The following AP4S1 variants were observed in gnomAD, a reference collection of about 807,000 sequenced individuals.
AP4S1 encodes AP-4 complex subunit sigma-1.
In AP4S1, 23 loss-of-function variants were observed where a neutral mutation model predicts 19.8. The observed-to-expected ratio is 1.16, with a 90% CI of 0.84 to 1.65. AP4S1 has a LOEUF of 1.65. AP4S1 is among the 40% of genes most tolerant of loss of function. AP4S1 has a pLI of 0.00. For missense variants in AP4S1, 166 were observed against 172.8 expected (o/e 0.96, Z 0.22); for synonymous variants, 46 against 54.1 (o/e 0.85, Z 0.66).
At chr14:31,057,616 T>C (rs951585377) in intron 1 of AP4S1, among the ~76,000 whole-genome samples, 7 of 152,106 alleles carry the variant, frequency 4.6e-5, no homozygotes, top group Admixed American at 2.0e-4. Flanking sequence ...TGGTTTATTT[T>C]ATTTTTATTT....
intron 1 of AP4S1, among the ~76,000 whole-genome samples, chr14:31,054,080 T>C (rs1489949796): frequency 2.6e-5 from 4 of 152,212 alleles, no homozygotes; most frequent in Non-Finnish European, 1.5e-5. Context: ...CTTTCATTCA[T>C]TCTTTCATTT....
In AP4S1 at chr14:31,069,942, A is replaced by G. The variant is rs1886913786; in HGVS notation, c.225+13A>G. 14 of 1,590,270 alleles carry G rather than the reference A, an allele frequency of 8.8e-6. No individual in the cohort carries two copies. The East Asian group carries it at 3.1e-4, about 36-fold the overall frequency. ...TAATGACACTGAGGTAAGATAATAG[A>G]AGAGCCCTTGGAAAATGCAAGAATT... On this transcript the variant is annotated intron_variant, in intron 3 of 5. Transcript: ENST00000542754.
At chr14:31,059,934 T>C (rs866675866) in intron 1 of AP4S1, among the ~76,000 whole-genome samples, 1 of 147,484 alleles carries the variant, frequency 6.8e-6, no homozygotes, top group African/African-American at 2.5e-5. Context: ...CAAAAAAATA[T>C]ATATATATAT....
Position 31,054,369 on chromosome 14 carries a change from T to C in AP4S1, c.-71-11757T>C, listed in dbSNP as rs1481730670. On this transcript the variant is annotated intron_variant, in intron 1 of 5. Coordinates refer to ENST00000542754, the MANE Select transcript of AP4S1 (RefSeq NM_001128126.3). ...GGGCAACATAGCAAGACCCCGTGTC[T>C]ACAAAAAATTTTTTTTTAATTAGCA... Among the ~76,000 whole-genome samples the C allele has an allele frequency of 2.0e-5, 3 of 152,172 alleles. No individual in the cohort carries two copies. In the East Asian group the frequency reaches 5.8e-4, roughly 29 times the overall value.
At chr14:31,084,610 T>TA (rs1455306264) in intron 5 of AP4S1, among the ~76,000 whole-genome samples, 2 of 152,200 alleles carry the variant, frequency 1.3e-5, no homozygotes, top group Non-Finnish European at 2.9e-5. Context: ...GTGCTATGAA[T>TA]ACACTCCTGT....
chr14:31,072,463 T>C (rs1215162271), intron 3 of AP4S1, among the ~76,000 whole-genome samples: 1 of 152,114 alleles, frequency 6.6e-6, no homozygotes, highest in Non-Finnish European at 1.5e-5. Flanking sequence ...CTGGAACTCC[T>C]GGGGTCAAGC....
intron 2 of AP4S1, among the ~76,000 whole-genome samples, chr14:31,069,268 A>G (rs892906444): frequency 2.0e-5 from 3 of 152,202 alleles, no homozygotes; most frequent in African/African-American, 7.2e-5. Context: ...ATATGAAGCA[A>G]TGTTTACAAT....
At chr14:31,068,060 G>A (rs994894757) in intron 2 of AP4S1, among the ~76,000 whole-genome samples, 2 of 151,648 alleles carry the variant, frequency 1.3e-5, no homozygotes, top group African/African-American at 4.9e-5. Context: ...TAGAGACAGG[G>A]TTTCCCCATG....
At chr14:31,058,527 ATGTGTGTGTGTGTGTGTG>A (rs140119208) in intron 1 of AP4S1, among the ~76,000 whole-genome samples, 25 of 136,670 alleles carry the variant, frequency 1.8e-4, no homozygotes, top group South Asian at 1.4e-3. Flanking sequence ...CTGTGTGTGT[ATGTGTGTGTGTGTGTGTG>A]TGTGTGTGTG....
At position 31,076,665 on chromosome 14, in the gene AP4S1, A is replaced by G. The variant is rs115088357; in HGVS notation, c.294+3692A>G. Among the ~76,000 whole-genome samples, 712 of 152,272 alleles carry G rather than the reference A, an allele frequency of 4.7e-3. 6 individuals carry two copies. The highest frequency in any genetic ancestry group is 0.016 in the African/African-American group (672 of 41,550). On this transcript the variant is annotated intron_variant, in intron 4 of 5. Transcript: ENST00000542754. ...TTCAAAAGACTGTTCTTTTCCCCCAATGAATTGTCTTGGCCCCCTTATCAG... is the reference window on the plus strand; with the variant it reads ...TTCAAAAGACTGTTCTTTTCCCCCAGTGAATTGTCTTGGCCCCCTTATCAG...
At chr14:31,092,265 C>T (rs1476012885) in intron 5 of AP4S1, among the ~76,000 whole-genome samples, 2 of 152,124 alleles carry the variant, frequency 1.3e-5, no homozygotes, top group East Asian at 3.8e-4. Context: ...GAGAAGAAAA[C>T]TGAAGGTACA....
intron 1 of AP4S1, among the ~76,000 whole-genome samples, chr14:31,065,266 G>A (rs1399267594): frequency 3.3e-5 from 5 of 152,122 alleles, no homozygotes; most frequent in African/African-American, 4.8e-5. Context: ...TTTCATACCT[G>A]TTTTCTCTGC....
intron 4 of AP4S1, among the ~76,000 whole-genome samples, chr14:31,077,939 T>C (rs140318741): frequency 1.3e-5 from 2 of 152,260 alleles, no homozygotes; most frequent in East Asian, 3.9e-4. Context: ...TTTCACCATA[T>C]TGGCCAGGAT....
intron 1 of AP4S1, among the ~76,000 whole-genome samples, chr14:31,057,853 C>G (rs1886207715): frequency 6.6e-6 from 1 of 151,532 alleles, no homozygotes; most frequent in Non-Finnish European, 1.5e-5. Flanking sequence ...GTCTCGAATT[C>G]CTGACCTCAA....
At chr14:31,080,379 C>T (rs765845157) in intron 4 of AP4S1, among the ~76,000 whole-genome samples, 194 bp from the exon 5 acceptor site, 1 of 152,176 alleles carries the variant, frequency 6.6e-6, no homozygotes, top group South Asian at 2.1e-4. Flanking sequence ...CTTTGAACTA[C>T]AGCCTATATT....
intron 1 of AP4S1, chr14:31,026,900 C>G (rs1884022260): frequency 6.6e-6 from 1 of 152,278 alleles, no homozygotes; most frequent in Non-Finnish European, 1.5e-5. Flanking sequence ...GGTGGGCCCT[C>G]TTTCCCTTCC....
chr14:31,025,977 T>G, intron 1 of AP4S1, 190 bp downstream of exon 1: 2 of 1,579,598 alleles, frequency 1.3e-6, no homozygotes, highest in Non-Finnish European at 1.7e-6. Context: ...CTGGATGTAG[T>G]GCAGTATCCC....
intron 1 of AP4S1, among the ~76,000 whole-genome samples, chr14:31,037,143 A>G (rs12895788): frequency 0.26 from 39,636 of 151,730 alleles, 5,368 homozygotes; most frequent in South Asian, 0.33. Context: ...CACTTCTGCC[A>G]GGACATGCCT....
intron 5 of AP4S1, among the ~76,000 whole-genome samples, chr14:31,089,419 A>C (rs771081353): frequency 6.6e-5 from 10 of 152,216 alleles, no homozygotes; most frequent in Non-Finnish European, 1.3e-4. Context: ...AAAAGAAATA[A>C]AATGAGAAAC....
Sources: allele counts gnomAD v4.1 joint callset (sites outside exome capture counted in the v4.1 genomes callset), GRCh38; gene constraint gnomAD v4.1.1; transcripts MANE v1.5; gene names NCBI Gene and HGNC (gene_info 2026-07-23, HGNC 2026-07-21).